Variants in KAZN observed in about 807,000 individuals in gnomAD.
KAZN encodes kazrin.
In KAZN, 40 loss-of-function variants were observed where a neutral mutation model predicts 87.4. The observed-to-expected ratio is 0.46, with a 90% confidence interval of 0.36 to 0.60. KAZN has a LOEUF of 0.60. Ranked by LOEUF, KAZN falls within the 20% of genes least tolerant of loss-of-function variation. KAZN has a pLI of 0.00. For missense variants in KAZN, 898 were observed against 1,073.9 expected (o/e 0.84, Z 2.29); for synonymous variants, 466 against 458.3 (o/e 1.02, Z -0.22).
rs113729205 is a variant in KAZN at position 15,114,715 on chromosome 1, C to G, written c.*80C>G. 1.4e-6 allele frequency: 2 copies of G among 1,386,006 alleles called. No homozygotes were observed. The highest frequency in any genetic ancestry group is 1.4e-5 in the South Asian group (1 of 71,366). The allele number at this position is 1,386,006 out of a possible 1,614,324, so 85.9% of individuals were successfully genotyped here. On this transcript the variant is annotated 3_prime_UTR_variant, in exon 15 of 15. Transcript: ENST00000376030. Reference sequence around the variant, plus strand: ...CAGATGGCCCCAGGTGTCGTTCTCACTGTACATAGCGGCCGCAGGCTGAGG... The same window carrying G: ...CAGATGGCCCCAGGTGTCGTTCTCAGTGTACATAGCGGCCGCAGGCTGAGG...
At chr1:14,843,447 C>A (rs751968621) in intron 1 of KAZN, among the ~76,000 whole-genome samples, 1 of 152,124 alleles carries the variant, frequency 6.6e-6, no homozygotes. Flanking sequence ...GAGAGAAGGG[C>A]ACAGGAGGCC....
At position 14,161,581 on chromosome 1, in the gene KAZN, C is replaced by T. The variant is rs1308963214; in HGVS notation, c.92-18854C>T. Among the ~76,000 whole-genome samples the T allele has an allele frequency of 7.2e-5, 11 of 152,180 alleles. No individual in the cohort carries two copies. In the East Asian group the frequency reaches 2.1e-3, roughly 29 times the overall value. ...TGAGAGCCACAGGGTCTTTTATGGC[C>T]TATCCCAGACGTCAAATGGACATTT... On this transcript the variant is annotated intron_variant, in intron 1 of 16. Transcript: ENST00000636203.
intron 1 of KAZN, among the ~76,000 whole-genome samples, chr1:14,809,401 C>T (rs1045483210): frequency 3.3e-5 from 5 of 152,164 alleles, no homozygotes; most frequent in Admixed American, 2.6e-4. Context: ...CCTCCCTCAC[C>T]GTCAGGCTGC....
rs1650085870 is a variant in KAZN at position 14,856,211 on chromosome 1, G to C, written c.227-104473G>C. On this transcript the variant is annotated intron_variant, in intron 1 of 14. Transcript: ENST00000376030. This position sits in a 1 kb window ranked among gnomAD's most constrained non-coding sequence, Gnocchi z 5.2. Reference sequence around the variant, plus strand: ...TAATGGGCATAGAAATTGGGGAGGGGATGAAAAGAGGGGAAGGGAAGACCA... The same window carrying C: ...TAATGGGCATAGAAATTGGGGAGGGCATGAAAAGAGGGGAAGGGAAGACCA... Among the ~76,000 whole-genome samples, 1 of 152,106 alleles carries C rather than the reference G, an allele frequency of 6.6e-6. No individual in the cohort carries two copies. The highest frequency in any genetic ancestry group is 6.6e-5 in the Admixed American group (1 of 15,264).
intron 2 of KAZN, among the ~76,000 whole-genome samples, chr1:14,329,828 A>T (rs796912498): frequency 5.3e-5 from 8 of 152,360 alleles, no homozygotes; most frequent in African/African-American, 1.9e-4. Context: ...AAGCACTGGG[A>T]TTCATTGCTC....
At chr1:14,190,993 CT>C (rs1646409610) in intron 2 of KAZN, among the ~76,000 whole-genome samples, 1 of 152,174 alleles carries the variant, frequency 6.6e-6, no homozygotes, top group East Asian at 1.9e-4. Flanking sequence ...GGAAAGTGGT[CT>C]AGTCATGTTC....
At chr1:14,554,661 C>G (rs72645998) in intron 2 of KAZN, among the ~76,000 whole-genome samples, 4,128 of 152,276 alleles carry the variant, frequency 0.027, 89 homozygotes, top group Middle Eastern at 0.061. Flanking sequence ...AGATATTAAT[C>G]CGGTACTTGA....
At chr1:14,891,910 C>A (rs1014712659) in intron 1 of KAZN, among the ~76,000 whole-genome samples, 11 of 152,058 alleles carry the variant, frequency 7.2e-5, no homozygotes, top group Non-Finnish European at 1.5e-4. Flanking sequence ...TGTCCATGAG[C>A]CTCCGTTAGT....
At chr1:14,621,012 A>T (rs560964588) in intron 1 of KAZN, among the ~76,000 whole-genome samples, 1 of 152,260 alleles carries the variant, frequency 6.6e-6, no homozygotes, top group African/African-American at 2.4e-5. Flanking sequence ...CCATGTAGGA[A>T]CTTGCTGGCT....
intron 1 of KAZN, among the ~76,000 whole-genome samples, chr1:13,990,158 A>T (rs1395346073): frequency 6.6e-6 from 1 of 152,216 alleles, no homozygotes; most frequent in Non-Finnish European, 1.5e-5. Context: ...TTTGAACCAG[A>T]AATTCACTTC....
intron 1 of KAZN, among the ~76,000 whole-genome samples, chr1:13,950,894 G>C (rs555675937): frequency 6.6e-6 from 1 of 152,210 alleles, no homozygotes; most frequent in African/African-American, 2.4e-5. Flanking sequence ...GTGTTAAATA[G>C]GTATACAAAG....
chr1:15,039,100 A>G (rs1672649170), intron 3 of KAZN, among the ~76,000 whole-genome samples: 2 of 151,966 alleles, frequency 1.3e-5, no homozygotes, highest in Non-Finnish European at 2.9e-5. Flanking sequence ...CACCTACTGT[A>G]TACAGACATG....
At chr1:14,759,280 G>C (rs367698783) in intron 1 of KAZN, among the ~76,000 whole-genome samples, 1 of 152,122 alleles carries the variant, frequency 6.6e-6, no homozygotes, top group African/African-American at 2.4e-5. Context: ...TGAGAGCATC[G>C]CACCGTGGCT....
chr1:14,077,669 C>G (rs1643514423), intron 1 of KAZN, among the ~76,000 whole-genome samples: 1 of 151,104 alleles, frequency 6.6e-6, no homozygotes, highest in Non-Finnish European at 1.5e-5. Context: ...ATTGTGTTTC[C>G]CAAAAAGATA....
Position 15,054,264 on chromosome 1 carries a change from A to AC in KAZN, c.727-1823dup, listed in dbSNP as rs142045960. 4.3e-3 allele frequency among the ~76,000 whole-genome samples: 648 copies of AC among 152,168 alleles called. 3 individuals are homozygous for AC. Among genetic ancestry groups the AC allele is most frequent in the South Asian group, 0.042 (202 of 4,800 alleles). The stretch of plus-strand genomic sequence containing the variant: ...CACAGTGGCCCTGCCATCTGTAGCT[A>AC]CCCCGGAAACGTCCATGTTCACCCA... On this transcript the variant is annotated intron_variant, in intron 4 of 14. Coordinates refer to ENST00000376030, the MANE Select transcript of KAZN (RefSeq NM_201628.3).
intron 2 of KAZN, among the ~76,000 whole-genome samples, chr1:14,559,720 G>A (rs1336941284): frequency 6.6e-6 from 1 of 152,122 alleles, no homozygotes; most frequent in Non-Finnish European, 1.5e-5. Context: ...ATCCCCCACT[G>A]TCTCCACCCC....
chr1:14,450,449 A>G (rs11586746), intron 2 of KAZN, among the ~76,000 whole-genome samples: 71,169 of 151,860 alleles, frequency 0.47, 17,177 homozygotes, highest in Middle Eastern at 0.62. Flanking sequence ...AATTAGCCAG[A>G]CGTGGTGGCA....
At chr1:14,052,175 G>C (rs1163926644) in intron 1 of KAZN, among the ~76,000 whole-genome samples, 3 of 152,176 alleles carry the variant, frequency 2.0e-5, no homozygotes, top group Non-Finnish European at 4.4e-5. Context: ...CCAGGGGTCA[G>C]CCAGAGAGCT....
At chr1:14,367,084 C>G (rs543432478) in intron 2 of KAZN, among the ~76,000 whole-genome samples, 56 of 152,214 alleles carry the variant, frequency 3.7e-4, no homozygotes, top group Non-Finnish European at 5.9e-4. Flanking sequence ...CAAAAATTAG[C>G]GAGGCGTGGT....
Sources: allele counts gnomAD v4.1 joint callset (sites outside exome capture counted in the v4.1 genomes callset), GRCh38; gene constraint gnomAD v4.1.1; non-coding constraint Gnocchi (gnomAD v3.1); transcripts MANE v1.5; gene names NCBI Gene and HGNC (gene_info 2026-07-23, HGNC 2026-07-21).